Variants in SHLD2 observed in about 807,000 individuals in gnomAD.
The protein encoded by SHLD2 is shieldin complex subunit 2, also known as RINN1-REV7-interacting novel NHEJ regulator 2.
In SHLD2, 30 loss-of-function variants were observed where a neutral mutation model predicts 73.2. That is an observed-to-expected ratio of 0.41 (90% CI 0.31 to 0.56). The LOEUF is 0.56. SHLD2 is among the 20% of genes least tolerant of loss of function. The pLI, the probability that SHLD2 is intolerant of heterozygous loss-of-function variation, is 0.28. For synonymous variants in SHLD2, 285 were observed against 370.1 expected, an observed-to-expected ratio of 0.77 and a Z score of 2.64; for missense variants, 745 against 1,055.9, an observed-to-expected ratio of 0.71 and a Z score of 4.08.
At chr10:87,113,370 C>T (rs1843051731) in intron 2 of SHLD2, among the ~76,000 whole-genome samples, 1 of 152,160 alleles carries the variant, frequency 6.6e-6, no homozygotes, top group Admixed American at 6.5e-5. Context: ...GTGGTCCATC[C>T]ATACAATTCA....
chr10:87,123,711 G>T (rs1418654048), intron 2 of SHLD2, among the ~76,000 whole-genome samples: 3 of 152,148 alleles, frequency 2.0e-5, no homozygotes, highest in African/African-American at 7.2e-5. Flanking sequence ...AGGTGTTTGG[G>T]TCATGAGGCA....
At chr10:87,134,203 C>A (rs892895440) in intron 2 of SHLD2, among the ~76,000 whole-genome samples, 8 of 152,112 alleles carry the variant, frequency 5.3e-5, no homozygotes, top group African/African-American at 1.9e-4. Flanking sequence ...TAAGATATTG[C>A]CATTCTTGTA....
chr10:87,139,593 A>G (rs3129340), intron 2 of SHLD2, among the ~76,000 whole-genome samples: 104,900 of 152,136 alleles, frequency 0.69, 36,780 homozygotes, highest in East Asian at 0.84. Context: ...CAAGCCAGAT[A>G]TGGTGACTCA....
chr10:87,120,782 G>A (rs1292310131), intron 2 of SHLD2, among the ~76,000 whole-genome samples: 1 of 151,978 alleles, frequency 6.6e-6, no homozygotes, highest in Non-Finnish European at 1.5e-5. Flanking sequence ...GGCCGGGTGC[G>A]GTGGCTCACG....
chr10:87,146,904 A>C (rs1295061284), intron 2 of SHLD2, among the ~76,000 whole-genome samples: 9 of 151,644 alleles, frequency 5.9e-5, no homozygotes, highest in Non-Finnish European at 1.5e-5. Context: ...TAAAAATACA[A>C]AATTAGCTGG....
At chr10:87,109,602 C>T (rs1349072948) in intron 2 of SHLD2, among the ~76,000 whole-genome samples, 1 of 152,132 alleles carries the variant, frequency 6.6e-6, no homozygotes, top group African/African-American at 2.4e-5. Flanking sequence ...CCTGGCCCCT[C>T]AAATAAGATT....
intron 8 of SHLD2, among the ~76,000 whole-genome samples, chr10:87,182,432 G>GT (rs1177192954): frequency 1.3e-5 from 2 of 152,300 alleles, no homozygotes; most frequent in Admixed American, 6.5e-5. Flanking sequence ...TACATTGGTT[G>GT]TAACTTGGAG....
intron 2 of SHLD2, among the ~76,000 whole-genome samples, chr10:87,146,807 A>T (rs1186280116): frequency 6.6e-6 from 1 of 151,870 alleles, no homozygotes; most frequent in East Asian, 1.9e-4. Flanking sequence ...CTCTAATCTC[A>T]GCACTTTGGG....
intron 7 of SHLD2, among the ~76,000 whole-genome samples, chr10:87,178,756 T>A (rs910263567): frequency 3.3e-5 from 5 of 152,098 alleles, no homozygotes; most frequent in African/African-American, 1.2e-4. Context: ...TGATTTGACA[T>A]GTCTTTGGAA....
At chr10:87,179,092 C>G (rs1176826981) in intron 7 of SHLD2, among the ~76,000 whole-genome samples, 1 of 152,098 alleles carries the variant, frequency 6.6e-6, no homozygotes, top group Non-Finnish European at 1.5e-5. Flanking sequence ...GAATAATGCT[C>G]AGGAAAACTC....
rs1752684070 is a variant in SHLD2 at position 87,180,262 on chromosome 10, T to C, written c.2358T>C (p.Cys786=). The change falls in exon 8 of 10, where the codon TGT becomes TGC. Residue 786 remains cysteine (C), a synonymous_variant. Coordinates refer to ENST00000298786, the MANE Select transcript of SHLD2 (RefSeq NM_001330112.2). ...ATGAGAACAGGATCTACAAACAATG[T>C]TTTAGCTGCTTGCCATTTACTATGA... The part of the protein sequence containing the change: ...ETDENRIYKQ[C]FSCLPFTMKK... 1.2e-6 allele frequency: 2 copies of C among 1,612,202 alleles called. No individual in the cohort carries two copies. Among genetic ancestry groups the C allele is most frequent in the African/African-American group, 2.7e-5 (2 of 74,844 alleles).
At chr10:87,169,370 A>G (rs910116686) in intron 4 of SHLD2, among the ~76,000 whole-genome samples, 4 of 152,068 alleles carry the variant, frequency 2.6e-5, no homozygotes, top group African/African-American at 9.7e-5. Flanking sequence ...TTTGAATTTT[A>G]TGTGTGTGTG....
chr10:87,127,529 GCCCCCCCCCA>G (rs1844102168), intron 2 of SHLD2, among the ~76,000 whole-genome samples: 1 of 24,356 alleles, frequency 4.1e-5, no homozygotes, highest in African/African-American at 2.9e-4. Context: ...CCTCTTACCC[GCCCCCCCCCA>G]CCCCGTCTGC....
At chr10:87,175,270 A>G (rs1296553137) in intron 6 of SHLD2, among the ~76,000 whole-genome samples, 1 of 152,258 alleles carries the variant, frequency 6.6e-6, no homozygotes, top group Non-Finnish European at 1.5e-5. Context: ...TTCTTTAACA[A>G]AACAAAACAC....
Position 87,175,962 on chromosome 10 carries a change from G to A in SHLD2, c.2037G>A (p.Thr679=), listed in dbSNP as rs934826040. The change falls in exon 7 of 10, where the codon ACG becomes ACA. Residue 679 remains threonine, a synonymous_variant. Coordinates refer to ENST00000298786, the MANE Select transcript of SHLD2 (RefSeq NM_001330112.2). ...YTLENLELHT[T]PWSSCECLFD... ...TAGAAAACCTAGAATTGCATACAACGCCTTGGTCATCCTGTGAGTGCTTGT... is the reference window on the plus strand; with the variant it reads ...TAGAAAACCTAGAATTGCATACAACACCTTGGTCATCCTGTGAGTGCTTGT... The A allele has an allele frequency of 1.9e-5, 30 of 1,550,170 alleles. No homozygotes were observed. Among genetic ancestry groups the A allele is most frequent in the African/African-American group, 2.7e-5 (2 of 72,868 alleles).
At position 87,170,568 on chromosome 10, in the gene SHLD2, A is replaced by G; in HGVS notation, c.1724A>G (p.Gln575Arg). 7 of 1,613,582 alleles carry G rather than the reference A, an allele frequency of 4.3e-6. No homozygotes were observed. Among genetic ancestry groups the G allele is most frequent in the Non-Finnish European group, 5.9e-6 (7 of 1,179,676 alleles). Residue 575 changes from glutamine to arginine, a missense_variant, in exon 5 of 10, where the codon CAG becomes CGG. Around this residue, in one of 5 missense-constraint regions of SHLD2, gnomAD observed 418 missense variants for 567.8 expected, o/e 0.74. Coordinates refer to ENST00000298786, the MANE Select transcript of SHLD2 (RefSeq NM_001330112.2). ...TACCTCAGAGATCTTCCTCCGAGGC[A>G]GCCTCAGAGGGTGAACAGTATAGAC... ...HSYLRDLPPR[Q>R]PQRVNSIDFV...
chr10:87,126,228 A>C (rs1843998112), intron 2 of SHLD2, among the ~76,000 whole-genome samples: 1 of 152,064 alleles, frequency 6.6e-6, no homozygotes, highest in Non-Finnish European at 1.5e-5. Context: ...AAAGGTGTGC[A>C]CCACCATGCC....
rs1849030113 is a variant in SHLD2, at chr10:87,190,973, T to C, written c.*290T>C. 1 of 431,276 alleles carries C rather than the reference T, an allele frequency of 2.3e-6. No individual in the cohort carries two copies. Among genetic ancestry groups the C allele is most frequent in the South Asian group, 2.4e-5 (1 of 42,266 alleles). 26.7% of individuals were successfully genotyped at this position (431,276 alleles called of 1,614,324 possible). A position where few individuals can be genotyped will look rare whatever the true frequency, so the allele number is the denominator to read the frequency against. On this transcript the variant is annotated 3_prime_UTR_variant, in exon 10 of 10. Transcript: ENST00000298786. ...TAAAGGTTTGCCCATTTGTTCACTG[T>C]ATTTAGTCCCTGCTACATTCCAGGC...
chr10:87,184,877 A>G (rs1016946953), intron 8 of SHLD2, among the ~76,000 whole-genome samples: 1 of 152,080 alleles, frequency 6.6e-6, no homozygotes, highest in African/African-American at 2.4e-5. Context: ...GCTTACTGTA[A>G]TTTGTAGTTG....
Sources: allele counts gnomAD v4.1 joint callset (sites outside exome capture counted in the v4.1 genomes callset), GRCh38; gene constraint gnomAD v4.1.1; regional missense constraint gnomAD v4.1.1; transcripts MANE v1.5; gene names NCBI Gene and HGNC (gene_info 2026-07-23, HGNC 2026-07-21).